The following IKZF4 variants were observed in gnomAD, a reference collection of about 807,000 sequenced individuals.
IKZF4 encodes the protein zinc finger protein Eos.
Under a neutral mutation model 47.7 loss-of-function variants are expected in IKZF4, and 11 were observed. The ratio of observed to expected loss-of-function variants is 0.23; its 90% CI spans 0.15 to 0.38. IKZF4 has a LOEUF of 0.38. IKZF4 is among the 10% of genes least tolerant of loss of function. The pLI is 1.00. For missense variants in IKZF4, 557 were observed against 784.9 expected, an observed-to-expected ratio of 0.71 and a Z score of 3.47; for synonymous variants, 298 against 299.4, an observed-to-expected ratio of 1.00 and a Z score of 0.05.
chr12:56,027,560 C>T (rs1468992089), intron 4 of IKZF4, among the ~76,000 whole-genome samples: 1 of 152,100 alleles, frequency 6.6e-6, no homozygotes, highest in Non-Finnish European at 1.5e-5. Flanking sequence ...AGGCCCCTCT[C>T]CCTGCCACAC....
chr12:56,008,201 T>C (rs1890931234), intron 1 of IKZF4, among the ~76,000 whole-genome samples: 1 of 152,044 alleles, frequency 6.6e-6, no homozygotes, highest in African/African-American at 2.4e-5. Flanking sequence ...TGGGAGGCAA[T>C]GAGCATATTG....
chr12:56,009,299 T>G (rs561307981), intron 1 of IKZF4, among the ~76,000 whole-genome samples: 1 of 152,352 alleles, frequency 6.6e-6, no homozygotes, highest in South Asian at 2.1e-4. Flanking sequence ...TCTGACTACC[T>G]AGAATATTTC....
chr12:56,034,116 T>C (rs1165511696), intron 7 of IKZF4, among the ~76,000 whole-genome samples: 9 of 152,146 alleles, frequency 5.9e-5, no homozygotes, highest in Admixed American at 5.9e-4. Flanking sequence ...TTAGCCAGGA[T>C]GGTCTTAATC....
At position 56,032,624 on chromosome 12, in the gene IKZF4, A is replaced by G. The variant is rs778406055; in HGVS notation, c.779A>G (p.Gln260Arg). 1 of 1,614,062 alleles carries G rather than the reference A, an allele frequency of 6.2e-7. No homozygotes were observed. Among genetic ancestry groups the G allele is most frequent in the Non-Finnish European group, 8.5e-7 (1 of 1,179,892 alleles). The part of the protein sequence containing the change: ...CNYCGRSYKQ[Q>R]STLEEHKERC... The stretch of plus-strand genomic sequence containing the variant: ...TACTGTGGCCGGAGCTACAAACAGC[A>G]GAGTACCCTGGAGGAGCACAAGGAG... Residue 260 changes from glutamine to arginine, a missense_variant, in exon 6 of 8, where the codon CAG becomes CGG. This residue lies in a region of IKZF4 where 72 missense variants were observed against 112.4 expected (regional missense o/e 0.64). Transcript: ENST00000547167.
chr12:56,017,592 G>A (rs1892284577), upstream of IKZF4, among the ~76,000 whole-genome samples: 1 of 152,186 alleles, frequency 6.6e-6, no homozygotes, highest in Non-Finnish European at 1.5e-5. Flanking sequence ...GATTAAGATA[G>A]TGTTTCCACC....
At chr12:56,033,669 T>C (rs985221472) in intron 7 of IKZF4, among the ~76,000 whole-genome samples, 1 of 151,808 alleles carries the variant, frequency 6.6e-6, no homozygotes, top group Non-Finnish European at 1.5e-5. Flanking sequence ...ATCGCGCCAC[T>C]GCACTCCATC....
rs756879264 is a variant in IKZF4, at chr12:56,023,660, A to T, written c.88-11A>T. ...AGTCCTGAGTGGTTGTTTTCTTCCC[A>T]CTGACCAAAGCTGGAGAGGGATCCC... On this transcript the variant is annotated splice_polypyrimidine_tract_variant and intron_variant, in intron 1 of 7. Transcript: ENST00000547167. 1 of 1,613,492 alleles carries T rather than the reference A, an allele frequency of 6.2e-7. No individual in the cohort carries two copies. Among genetic ancestry groups the T allele is most frequent in the Non-Finnish European group, 8.5e-7 (1 of 1,179,676 alleles).
rs1291313188 is a variant in IKZF4, at chr12:56,035,114, A to C, written c.1541A>C (p.Lys514Thr). The change falls in exon 8 of 8, where the codon AAG becomes ACG. Residue 514 changes from lysine (K) to threonine (T), a missense_variant. Transcript: ENST00000547167. The surrounding 1 kb of genome is among the most constrained non-coding windows in gnomAD (Gnocchi z 6.1). ...TTGCGGGGCACCCCAGGCCCCTCCA[A>C]GGAAGTGCTTCGGGTGGTGGGCGAG... ...GLLRGTPGPS[K>T]EVLRVVGESG... The C allele has an allele frequency of 6.2e-7, 1 of 1,612,596 alleles. No individual in the cohort carries two copies. The highest frequency in any genetic ancestry group is 8.5e-7 in the Non-Finnish European group (1 of 1,179,116).
chr12:56,033,158 T>C (rs1895141421), intron 6 of IKZF4, 32 bp from the exon 7 acceptor site: 1 of 1,610,374 alleles, frequency 6.2e-7, no homozygotes, highest in Admixed American at 1.7e-5. Context: ...CCTACTCAAC[T>C]GCTACTACTG....
chr12:56,023,885 T>G (rs2136645651), intron 2 of IKZF4, 121 bp downstream of exon 2: 1 of 1,506,810 alleles, frequency 6.6e-7, no homozygotes, highest in East Asian at 2.5e-5. Flanking sequence ...CTCTTCCATA[T>G]TTAGGCCTGT....
At chr12:56,022,823 G>A (rs372628881) in intron 1 of IKZF4, among the ~76,000 whole-genome samples, 1 of 134,332 alleles carries the variant, frequency 7.4e-6, no homozygotes, top group African/African-American at 2.9e-5. Flanking sequence ...TTTTTGAGAC[G>A]GAGTCTCGCT....
Position 56,032,597 on chromosome 12 carries a change from A to C in IKZF4, c.752A>C (p.Asn251Thr). The change falls in exon 6 of 8, where the codon AAC (asparagine) becomes ACC (threonine). Residue 251 changes from asparagine (N) to threonine (T), a missense_variant. By Grantham distance (65) the Asn-to-Thr change is moderately conservative. Around this residue, in one of 6 missense-constraint regions of IKZF4, gnomAD observed 72 missense variants for 112.4 expected, o/e 0.64. Coordinates refer to ENST00000547167, the MANE Select transcript of IKZF4 (RefSeq NM_022465.4). ...ACAGTGGGCAAGCCCTACAAGTGTA[A>C]CTACTGTGGCCGGAGCTACAAACAG... ...SPTVGKPYKCNYCGRSYKQQS... is the reference protein window; with the variant it reads ...SPTVGKPYKCTYCGRSYKQQS... The C allele has an allele frequency of 6.2e-7, 1 of 1,613,912 alleles. No individual in the cohort carries two copies. Among genetic ancestry groups the C allele is most frequent in the South Asian group, 1.1e-5 (1 of 91,070 alleles).
chr12:56,021,910 G>T lies in IKZF4; in HGVS notation c.87+330G>T, dbSNP rs528759982. 1.3e-5 allele frequency: 5 copies of T among 374,282 alleles called. No homozygotes were observed. In the East Asian group the frequency reaches 2.6e-4, roughly 19 times the overall value. The allele number at this position is 374,282 out of a possible 1,614,324, so 23.2% of individuals were successfully genotyped here. A position where few individuals can be genotyped will look rare whatever the true frequency, so the allele number is the denominator to read the frequency against. On this transcript the variant is annotated intron_variant, in intron 1 of 7. Coordinates refer to ENST00000547167, the MANE Select transcript of IKZF4 (RefSeq NM_022465.4). ...CCGAGACAGGCCTGGGTGGGAAGGG[G>T]TAGTGGAGAAAATCAAGGTAAGGAA... is the stretch of plus-strand genomic sequence containing the variant.
upstream of IKZF4, chr12:56,018,004 G>A (rs1892352613): frequency 3.7e-6 from 2 of 533,380 alleles, no homozygotes; most frequent in Admixed American, 5.9e-5. Context: ...TTCTTCTTTA[G>A]GATAGTATCA....
intron 4 of IKZF4, among the ~76,000 whole-genome samples, chr12:56,027,315 A>T (rs1289406237): frequency 6.6e-6 from 1 of 152,184 alleles, no homozygotes; most frequent in Non-Finnish European, 1.5e-5. Flanking sequence ...TTCTCAGTAT[A>T]TGAGGGAGGG....
intron 2 of IKZF4, 53 bp downstream of exon 2, chr12:56,023,817 A>G (rs2136644888): frequency 6.3e-7 from 1 of 1,588,816 alleles, no homozygotes; most frequent in South Asian, 1.1e-5. Context: ...GGTGGACTTC[A>G]GGGATGAATT....
At chr12:56,034,491 G>A in intron 7 of IKZF4, 80 bp from the exon 8 acceptor site, 1 of 1,428,982 alleles carries the variant, frequency 7.0e-7, no homozygotes, top group Non-Finnish European at 9.5e-7. Flanking sequence ...AGCCCCACAG[G>A]TAAAAAAACA....
chr12:56,017,684 A>C (rs1892297477), upstream of IKZF4, among the ~76,000 whole-genome samples: 3 of 152,052 alleles, frequency 2.0e-5, no homozygotes, highest in Admixed American at 1.3e-4. Context: ...GTCTTTCACC[A>C]GGACAAAGTG....
Position 56,038,271 on chromosome 12 carries a change from T to G in IKZF4, c.*2940T>G, listed in dbSNP as rs1895787897. The G allele has an allele frequency of 6.6e-6, 1 of 152,438 alleles. No individual in the cohort carries two copies. Among genetic ancestry groups the G allele is most frequent in the Non-Finnish European group, 1.5e-5 (1 of 68,010 alleles). The allele number at this position is 152,438 out of a possible 1,614,324, so 9.4% of individuals were successfully genotyped here. On this transcript the variant is annotated 3_prime_UTR_variant, in exon 8 of 8. Transcript: ENST00000547167. ...CCCCCCCTTTTTTAAAGAGTTTTTC[T>G]CCTTTCTCAAGGGGAGTTAAACTAG...
Sources: allele counts gnomAD v4.1 joint callset (sites outside exome capture counted in the v4.1 genomes callset), GRCh38; gene constraint gnomAD v4.1.1; regional missense constraint gnomAD v4.1.1; non-coding constraint Gnocchi (gnomAD v3.1); transcripts MANE v1.5; gene names NCBI Gene and HGNC (gene_info 2026-07-23, HGNC 2026-07-21).